GPT2: variants seen among roughly 807,000 people sequenced by gnomAD.
GPT2 encodes the protein alanine aminotransferase 2.
Under a neutral mutation model 56.9 loss-of-function variants are expected in GPT2, and 30 were observed. That is an observed-to-expected ratio of 0.53 (90% CI 0.39 to 0.72). The LOEUF is 0.72. Ranked by LOEUF, GPT2 falls within the 30% of genes least tolerant of loss-of-function variation. The probability of loss-of-function intolerance (pLI) is 0.00; values close to 1 mark genes in which losing one functional copy is unlikely to be tolerated. For synonymous variants in GPT2, 271 were observed against 283.1 expected (o/e 0.96, Z 0.43); for missense variants, 542 against 703.4 (o/e 0.77, Z 2.60).
At chr16:46,905,862 A>G (rs971260008) in intron 4 of GPT2, among the ~76,000 whole-genome samples, 2 of 152,118 alleles carry the variant, frequency 1.3e-5, no homozygotes, top group African/African-American at 4.8e-5. Flanking sequence ...ACCCCAGAGC[A>G]GTTAACCACT....
Position 46,930,110 on chromosome 16 carries a change from A to G in GPT2, c.*1113A>G, listed in dbSNP as rs11540355. 0.033 allele frequency: 5,059 copies of G among 153,274 alleles called. 114 individuals carry two copies. Among genetic ancestry groups the G allele is most frequent in the Non-Finnish European group, 0.054 (3,650 of 68,190 alleles). 9.5% of individuals were successfully genotyped at this position (153,274 alleles called of 1,614,324 possible). A position where few individuals can be genotyped will look rare whatever the true frequency, so the allele number is the denominator to read the frequency against. On this transcript the variant is annotated 3_prime_UTR_variant, in exon 12 of 12. Coordinates refer to ENST00000340124, the MANE Select transcript of GPT2 (RefSeq NM_133443.4). ...GAGGTTCATTGCCGTGCTTTCATGC[A>G]GAGTGTTTTGCCTTCATGTTAGCTT...
intron 2 of GPT2, chr16:46,885,714 A>AGGATTTCTGCCTCCCCACAACCAGGAT (rs1323679049): frequency 2.6e-5 from 5 of 189,550 alleles, no homozygotes; most frequent in African/African-American, 1.2e-4. Flanking sequence ...ACAGCCAGGA[A>AGGATTTCTGCCTCCCCACAACCAGGAT]GGATTTCTGC....
chr16:46,884,563 G>A (rs1293555861), intron 1 of GPT2, 96 bp downstream of exon 1: 18 of 985,008 alleles, frequency 1.8e-5, no homozygotes, highest in Middle Eastern at 3.5e-4. Context: ...GGGTCGCCGG[G>A]GGATGGGCAC....
intron 5 of GPT2, 54 bp from the exon 6 acceptor site, chr16:46,909,630 A>G (rs2143473547): frequency 4.4e-6 from 7 of 1,584,354 alleles, no homozygotes; most frequent in Admixed American, 3.4e-5. Context: ...GTGAAAGGCT[A>G]GGTCAGGGAT....
intron 9 of GPT2, among the ~76,000 whole-genome samples, chr16:46,923,134 T>C (rs947475343): frequency 3.9e-5 from 6 of 151,944 alleles, no homozygotes; most frequent in African/African-American, 7.3e-5. Context: ...CCCCCTTCTC[T>C]CTGCACTCAC....
chr16:46,922,131 C>G, intron 8 of GPT2, 111 bp from the exon 9 acceptor site: 1 of 974,992 alleles, frequency 1.0e-6, no homozygotes, highest in Non-Finnish European at 1.6e-6. Context: ...TCAGCCACAC[C>G]TGGCCATTTG....
chr16:46,923,565 C>T (rs941578254), intron 9 of GPT2, among the ~76,000 whole-genome samples: 3 of 152,234 alleles, frequency 2.0e-5, no homozygotes, highest in Admixed American at 6.5e-5. Context: ...TGTCGTGATT[C>T]CAGGCTGAAC....
intron 6 of GPT2, among the ~76,000 whole-genome samples, chr16:46,911,186 C>T (rs764415872): frequency 1.3e-5 from 2 of 152,104 alleles, no homozygotes; most frequent in African/African-American, 2.4e-5. Flanking sequence ...TGAAAAGCAC[C>T]CCCAATTTTG....
chr16:46,920,719 C>T (rs986793747), intron 8 of GPT2, among the ~76,000 whole-genome samples: 1 of 152,134 alleles, frequency 6.6e-6, no homozygotes, highest in South Asian at 2.1e-4. Flanking sequence ...TTGATCTGGG[C>T]GCAGGCTAAC....
chr16:46,915,095 A>T lies in GPT2; in HGVS notation c.821-1533A>T, dbSNP rs555635648. Among the ~76,000 whole-genome samples the T allele has an allele frequency of 9.1e-4, 139 of 151,976 alleles. 1 individual carries two copies. The highest frequency in any genetic ancestry group is 1.2e-3 in the Non-Finnish European group (84 of 67,950). On this transcript the variant is annotated intron_variant, in intron 6 of 11. Coordinates refer to ENST00000340124, the MANE Select transcript of GPT2 (RefSeq NM_133443.4). Reference sequence around the variant, plus strand: ...ACCACACCTGGATAATTTTTATTGTAGAGTTGAGGTGTTGCTGTGTTGCCC... The same window carrying T: ...ACCACACCTGGATAATTTTTATTGTTGAGTTGAGGTGTTGCTGTGTTGCCC...
intron 4 of GPT2, among the ~76,000 whole-genome samples, chr16:46,901,573 A>G (rs1960817786): frequency 6.6e-6 from 1 of 152,252 alleles, no homozygotes; most frequent in African/African-American, 2.4e-5. Context: ...GCCCTGAGGA[A>G]AACTGCTGTT....
rs574938723 is a variant in GPT2 at position 46,906,966 on chromosome 16, C to T, written c.567C>T (p.Asp189=). ...DNIYLTTGAS[D]GISTILKILV... ...TCTACCTGACCACGGGAGCTAGTGACGGCATTTCTGTACGTGTGAGGGTGG... is the reference window on the plus strand; with the variant it reads ...TCTACCTGACCACGGGAGCTAGTGATGGCATTTCTGTACGTGTGAGGGTGG... Residue 189 remains aspartate, a synonymous_variant, in exon 5 of 12, where the codon GAC becomes GAT. Transcript: ENST00000340124. 8.1e-6 allele frequency: 13 copies of T among 1,614,194 alleles called. No individual in the cohort carries two copies. Among genetic ancestry groups the T allele is most frequent in the African/African-American group, 2.7e-5 (2 of 75,048 alleles).
intron 3 of GPT2, among the ~76,000 whole-genome samples, chr16:46,898,115 C>T (rs1960719761): frequency 6.6e-6 from 1 of 152,180 alleles, no homozygotes; most frequent in African/African-American, 2.4e-5. Flanking sequence ...TGTGGCTTCC[C>T]ACTTGAGACC....
intron 2 of GPT2, among the ~76,000 whole-genome samples, chr16:46,892,584 C>T (rs1228312424): frequency 6.6e-6 from 1 of 152,194 alleles, no homozygotes; most frequent in Non-Finnish European, 1.5e-5. Context: ...CACACCCTCA[C>T]CAACACTGAT....
chr16:46,889,013 A>T (rs1960534844), intron 2 of GPT2, among the ~76,000 whole-genome samples: 1 of 151,888 alleles, frequency 6.6e-6, no homozygotes, highest in South Asian at 2.1e-4. Flanking sequence ...TGTTCAGCCA[A>T]ACAGCCCATA....
At chr16:46,890,148 C>T (rs1596859507) in intron 2 of GPT2, among the ~76,000 whole-genome samples, 1 of 152,184 alleles carries the variant, frequency 6.6e-6, no homozygotes, top group Non-Finnish European at 1.5e-5. Flanking sequence ...GCTGCAGCTC[C>T]GGTTTCTTCT....
chr16:46,918,902 GA>G, intron 8 of GPT2, 145 bp downstream of exon 8: 1 of 1,009,092 alleles, frequency 9.9e-7, no homozygotes, highest in Non-Finnish European at 1.4e-6. Flanking sequence ...TCCCCAGTGG[GA>G]GAGCCGTGGT....
intron 2 of GPT2, among the ~76,000 whole-genome samples, chr16:46,894,746 AG>A (rs2143373707): frequency 6.6e-6 from 1 of 152,146 alleles, no homozygotes; most frequent in South Asian, 2.1e-4. Context: ...GCTCACTGCA[AG>A]CTCCGCCTCC....
intron 8 of GPT2, among the ~76,000 whole-genome samples, chr16:46,920,691 A>G (rs972016856): frequency 6.6e-6 from 1 of 152,226 alleles, no homozygotes; most frequent in Non-Finnish European, 1.5e-5. Flanking sequence ...ATGGCTGCCA[A>G]ACTGTTCTTG....
Sources: allele counts gnomAD v4.1 joint callset (sites outside exome capture counted in the v4.1 genomes callset), GRCh38; gene constraint gnomAD v4.1.1; transcripts MANE v1.5; gene names NCBI Gene and HGNC (gene_info 2026-07-23, HGNC 2026-07-21).